The following POU2F1 variants were observed in gnomAD, a reference collection of about 807,000 sequenced individuals.
The protein encoded by POU2F1 is POU domain, class 2, transcription factor 1.
Under a neutral mutation model 84.9 loss-of-function variants are expected in POU2F1, and 16 were observed. That is an observed-to-expected ratio of 0.19 (90% CI 0.13 to 0.29). The LOEUF is 0.29. POU2F1 is among the 10% of genes least tolerant of loss of function. The pLI, the probability that POU2F1 is intolerant of heterozygous loss-of-function variation, is 1.00. For missense variants in POU2F1, 738 were observed against 942.6 expected (o/e 0.78, Z 2.84); for synonymous variants, 368 against 368.3 (o/e 1.00, Z 0.01).
intron 1 of POU2F1, among the ~76,000 whole-genome samples, chr1:167,301,110 C>A (rs1428709919): frequency 6.6e-6 from 1 of 152,136 alleles, no homozygotes; most frequent in African/African-American, 2.4e-5. Flanking sequence ...AAGGAACTGT[C>A]ATATTAAATT....
rs540045518 is a variant in POU2F1, at chr1:167,299,056, G to A, written c.62-33414G>A. Among the ~76,000 whole-genome samples, 18 of 151,878 alleles carry A rather than the reference G, an allele frequency of 1.2e-4. No homozygotes were observed. In the South Asian group the frequency reaches 3.5e-3, roughly 30 times the overall value. On this transcript the variant is annotated intron_variant, in intron 1 of 15. Transcript: ENST00000367866. ...CAGGTGCCTGTAATCCCAGCTTCTC[G>A]GGAAGCTGAGGCAGGAGAATCACTT...
chr1:167,318,283 C>A (rs1258454367), intron 1 of POU2F1, among the ~76,000 whole-genome samples: 1 of 152,182 alleles, frequency 6.6e-6, no homozygotes, highest in Admixed American at 6.5e-5. Flanking sequence ...CACTAGACCG[C>A]CATGTTTTCA....
intron 1 of POU2F1, among the ~76,000 whole-genome samples, chr1:167,298,631 G>A (rs563218026): frequency 2.0e-5 from 3 of 152,064 alleles, no homozygotes; most frequent in Non-Finnish European, 4.4e-5. Context: ...CTGGTCTTCA[G>A]ATTCATTCAA....
At chr1:167,295,120 T>G (rs1654203978) in intron 1 of POU2F1, among the ~76,000 whole-genome samples, 1 of 146,776 alleles carries the variant, frequency 6.8e-6, no homozygotes, top group African/African-American at 2.6e-5. Context: ...AGACTCCATC[T>G]CAAAAAAAAA....
chr1:167,403,427 C>T (rs1041216721), intron 13 of POU2F1, among the ~76,000 whole-genome samples: 1 of 152,182 alleles, frequency 6.6e-6, no homozygotes, highest in African/African-American at 2.4e-5. Context: ...GTCATTGCTC[C>T]TTGAAAGAGA....
chr1:167,293,299 G>A (rs35689529), intron 1 of POU2F1, among the ~76,000 whole-genome samples: 13,344 of 152,150 alleles, frequency 0.088, 1,442 homozygotes, highest in African/African-American at 0.26. Flanking sequence ...TACAAAATCA[G>A]TGTTTACAAA....
chr1:167,363,972 C>A (rs1381128490), intron 2 of POU2F1, among the ~76,000 whole-genome samples: 1 of 152,048 alleles, frequency 6.6e-6, no homozygotes, highest in Non-Finnish European at 1.5e-5. Flanking sequence ...GATGTGTGTG[C>A]ACATGTAAGT....
At position 167,411,943 on chromosome 1, in the gene POU2F1, C is replaced by G; in HGVS notation, c.1556-16C>G. ...CATTTACAAAAGGTCATCTTCTAAT[C>G]TGTTTGTCTTTTCAGGCACTTCAGA... On this transcript the variant is annotated splice_polypyrimidine_tract_variant and intron_variant, in intron 13 of 15. Transcript: ENST00000367866. The G allele has an allele frequency of 1.9e-6, 3 of 1,599,566 alleles. No individual in the cohort carries two copies. The highest frequency in any genetic ancestry group is 2.2e-5 in the South Asian group (2 of 89,066).
intron 1 of POU2F1, among the ~76,000 whole-genome samples, chr1:167,271,958 T>C (rs556419741): frequency 6.6e-6 from 1 of 152,348 alleles, no homozygotes; most frequent in East Asian, 1.9e-4. Context: ...TAAACTTTTA[T>C]TGGGATATAA....
chr1:167,221,824 C>G (rs999979793), intron 1 of POU2F1, among the ~76,000 whole-genome samples: 28 of 151,868 alleles, frequency 1.8e-4, no homozygotes, highest in Non-Finnish European at 2.7e-4. Context: ...GCGTGCCCCC[C>G]CTGGGGGGTG....
At chr1:167,367,284 G>A (rs192979176) in intron 3 of POU2F1, among the ~76,000 whole-genome samples, 535 of 152,130 alleles carry the variant, frequency 3.5e-3, no homozygotes, top group Non-Finnish European at 5.8e-3. Flanking sequence ...ACACAAAATC[G>A]ATGGCTTTAG....
At chr1:167,376,232 A>C (rs1408814077) in intron 7 of POU2F1, 77 bp downstream of exon 7, 1 of 1,445,870 alleles carries the variant, frequency 6.9e-7, no homozygotes, top group East Asian at 2.5e-5. Flanking sequence ...AACTACTATC[A>C]TTTTGGCCCT....
At chr1:167,317,697 C>T (rs1656010276) in intron 1 of POU2F1, among the ~76,000 whole-genome samples, 1 of 152,196 alleles carries the variant, frequency 6.6e-6, no homozygotes, top group Admixed American at 6.5e-5. Flanking sequence ...CTGGGTGGGC[C>T]AGGTGTTCCT....
At chr1:167,269,307 G>GC (rs1477131823) in intron 1 of POU2F1, among the ~76,000 whole-genome samples, 1 of 152,210 alleles carries the variant, frequency 6.6e-6, no homozygotes, top group Admixed American at 6.5e-5. Context: ...AGTTACGTTT[G>GC]CAAAGGAGTG....
At chr1:167,281,873 A>C (rs938185515) in intron 1 of POU2F1, among the ~76,000 whole-genome samples, 5 of 152,106 alleles carry the variant, frequency 3.3e-5, no homozygotes, top group Non-Finnish European at 7.4e-5. Context: ...AAACATATCC[A>C]AACTCATTCT....
chr1:167,308,662 A>G (rs1419064187), intron 1 of POU2F1, among the ~76,000 whole-genome samples: 3 of 152,044 alleles, frequency 2.0e-5, no homozygotes, highest in Admixed American at 6.5e-5. Flanking sequence ...AGCAGCTGGC[A>G]CTATAGGTGC....
chr1:167,383,592 C>T, intron 7 of POU2F1: 1 of 228,850 alleles, frequency 4.4e-6, no homozygotes, highest in Non-Finnish European at 8.5e-6. Flanking sequence ...CCATTCTTTC[C>T]TAAAATAAAG....
Position 167,419,138 on chromosome 1 carries a change from C to G in POU2F1, c.*3328C>G, listed in dbSNP as rs1056238499. On this transcript the variant is annotated 3_prime_UTR_variant, in exon 16 of 16. Transcript: ENST00000367866. ...TATTTTTTTATCATCTCAAGAAATG[C>G]ATTTTGAATTGAATGAACTATCTTC... 1 of 152,078 alleles carries G rather than the reference C, an allele frequency of 6.6e-6. No homozygotes were observed. The highest frequency in any genetic ancestry group is 1.5e-5 in the Non-Finnish European group (1 of 68,004). The allele number at this position is 152,078 out of a possible 1,614,324, so 9.4% of individuals were successfully genotyped here.
In POU2F1 at chr1:167,419,574, G is replaced by C. The variant is rs143974625; in HGVS notation, c.*3764G>C. ...TAACAGAGCAGAAAGACCTAAAAAA[G>C]GGCTTCTCACAGGAACAATATTACT... On this transcript the variant is annotated 3_prime_UTR_variant, in exon 16 of 16. Transcript: ENST00000367866. 1.2e-4 allele frequency: 18 copies of C among 152,222 alleles called. No individual in the cohort carries two copies. The East Asian group carries it at 3.5e-3, about 29-fold the overall frequency. 9.4% of individuals were successfully genotyped at this position (152,222 alleles called of 1,614,324 possible). A position where few individuals can be genotyped will look rare whatever the true frequency, so the allele number is the denominator to read the frequency against.
Sources: gnomAD v4.1 joint callset for allele counts (sites outside exome capture counted in the v4.1 genomes callset) on GRCh38, gnomAD v4.1.1 for gene constraint, MANE v1.5 for transcripts, NCBI Gene and HGNC (gene_info 2026-07-23, HGNC 2026-07-21) for gene names.